Variants in LRRC4C observed in about 807,000 individuals in gnomAD.
The protein encoded by LRRC4C is leucine rich repeat containing 4C, also known as leucine-rich repeat-containing protein 4C.
A neutral mutation model predicts 33.6 loss-of-function variants in LRRC4C; 5 were observed. The observed-to-expected ratio is 0.15, with a 90% CI of 0.08 to 0.31. The LOEUF (loss-of-function observed/expected upper bound fraction) is 0.31. LRRC4C is among the 10% of genes least tolerant of loss of function. The probability of loss-of-function intolerance (pLI) is 1.00; values close to 1 mark genes in which losing one functional copy is unlikely to be tolerated. For synonymous variants in LRRC4C, 329 were observed against 302.0 expected (o/e 1.09, Z -0.93); for missense variants, 560 against 796.7 (o/e 0.70, Z 3.58).
At chr11:40,287,199 C>T (rs1318784515) in intron 4 of LRRC4C, among the ~76,000 whole-genome samples, 2 of 151,614 alleles carry the variant, frequency 1.3e-5, no homozygotes, top group Non-Finnish European at 2.9e-5. Flanking sequence ...CACACTGCAT[C>T]ACATGACTTT....
Position 40,653,384 on chromosome 11 carries a change from G to A in LRRC4C, c.-406-5106C>T, listed in dbSNP as rs369485000. Among the ~76,000 whole-genome samples, 81 of 152,286 alleles carry A rather than the reference G, an allele frequency of 5.3e-4. 1 individual carries two copies. The South Asian group carries it at 0.016, about 31-fold the overall frequency. On this transcript the variant is annotated intron_variant, in intron 2 of 6. Transcript: ENST00000528697. The stretch of plus-strand genomic sequence containing the variant: ...GGTTGAGGTGGTCTCAAATGGAGAT[G>A]AGGAACTTGTTGGGAACTGTGGTAA...
At chr11:40,553,692 T>C (rs1416102045) in intron 3 of LRRC4C, among the ~76,000 whole-genome samples, 1 of 152,224 alleles carries the variant, frequency 6.6e-6, no homozygotes, top group Admixed American at 6.5e-5. Context: ...TTGAGAATTT[T>C]GTCATGTTTC....
chr11:40,842,105 G>A (rs565858385), intron 2 of LRRC4C, among the ~76,000 whole-genome samples: 14 of 152,136 alleles, frequency 9.2e-5, no homozygotes, highest in African/African-American at 3.4e-4. Context: ...AGGTTATTAC[G>A]CAGTTGGACT....
At chr11:41,455,498 AC>A (rs1434446650) in intron 1 of LRRC4C, among the ~76,000 whole-genome samples, 1 of 152,180 alleles carries the variant, frequency 6.6e-6, no homozygotes, top group Non-Finnish European at 1.5e-5. Context: ...CTAAGAATGT[AC>A]CACAAAAATT....
At chr11:40,320,248 GTAATCCC>G (rs1945774430) in intron 3 of LRRC4C, among the ~76,000 whole-genome samples, 1 of 152,190 alleles carries the variant, frequency 6.6e-6, no homozygotes, top group Non-Finnish European at 1.5e-5. Flanking sequence ...GCTCACGCCT[GTAATCCC>G]AGCACTTTGG....
chr11:40,410,219 T>G lies in LRRC4C; in HGVS notation c.-269-90498A>C, dbSNP rs542206787. 7.2e-5 allele frequency among the ~76,000 whole-genome samples: 11 copies of G among 152,198 alleles called. No homozygotes were observed. The South Asian group carries it at 1.9e-3, about 26-fold the overall frequency. On this transcript the variant is annotated intron_variant, in intron 3 of 6. Transcript: ENST00000528697. ...AAGGTACATATGTATTTCAAAAATT[T>G]TAGTAGCTGCATTTAAATATCATAA...
intron 2 of LRRC4C, among the ~76,000 whole-genome samples, chr11:40,864,533 G>T (rs1398742263): frequency 6.6e-6 from 1 of 152,134 alleles, no homozygotes; most frequent in African/African-American, 2.4e-5. Flanking sequence ...GTATTATCTG[G>T]TCTTACAGAG....
intron 5 of LRRC4C, among the ~76,000 whole-genome samples, chr11:40,163,586 A>G (rs1859343420): frequency 1.3e-5 from 2 of 152,204 alleles, no homozygotes; most frequent in African/African-American, 4.8e-5. Flanking sequence ...TCTGAATTGC[A>G]ATATATTGTT....
intron 3 of LRRC4C, among the ~76,000 whole-genome samples, chr11:40,363,484 A>C (rs1948062083): frequency 6.6e-6 from 1 of 152,140 alleles, no homozygotes; most frequent in African/African-American, 2.4e-5. Flanking sequence ...GTGGGTGACG[A>C]AATAATCTGC....
rs147953302 is a variant in LRRC4C at position 40,181,607 on chromosome 11, A to G, written c.-95-40754T>C. 1.3e-3 allele frequency among the ~76,000 whole-genome samples: 205 copies of G among 152,318 alleles called. 1 individual carries two copies. The highest frequency in any genetic ancestry group is 4.4e-3 in the African/African-American group (181 of 41,576). ...AGAGCTATGTAAAACAGGACTTGCT[A>G]TTTTGGTACACACTGTCTGAGAACT... is the stretch of plus-strand genomic sequence containing the variant. On this transcript the variant is annotated intron_variant, in intron 5 of 6. Transcript: ENST00000528697.
At chr11:41,299,067 C>T (rs1014656478) in intron 1 of LRRC4C, among the ~76,000 whole-genome samples, 3 of 152,080 alleles carry the variant, frequency 2.0e-5, no homozygotes, top group Non-Finnish European at 4.4e-5. Flanking sequence ...TCTTTGCTAT[C>T]GTGAATAGTG....
chr11:40,252,304 TAC>T (rs150474231), intron 4 of LRRC4C, among the ~76,000 whole-genome samples: 1 of 151,296 alleles, frequency 6.6e-6, no homozygotes, highest in African/African-American at 2.4e-5. Flanking sequence ...ACCTAATATA[TAC>T]ACACACACAC....
intron 3 of LRRC4C, among the ~76,000 whole-genome samples, chr11:40,352,106 T>C (rs1292980031): frequency 9.9e-6 from 1 of 101,478 alleles, no homozygotes; most frequent in Admixed American, 1.3e-4. Flanking sequence ...TTTTTTCCTT[T>C]CTTTCTTCCT....
chr11:40,836,046 A>G (rs1952655277), intron 2 of LRRC4C, among the ~76,000 whole-genome samples: 3 of 152,192 alleles, frequency 2.0e-5, no homozygotes. Flanking sequence ...CTGTACGTTC[A>G]AAAAGAAAAA....
chr11:41,268,206 G>A (rs1226272641), intron 1 of LRRC4C, among the ~76,000 whole-genome samples: 2 of 152,014 alleles, frequency 1.3e-5, no homozygotes, highest in Non-Finnish European at 2.9e-5. Flanking sequence ...TCTGCTGGGG[G>A]CCTGCCATGC....
chr11:40,872,438 G>T (rs1954699034), intron 2 of LRRC4C, among the ~76,000 whole-genome samples: 1 of 151,968 alleles, frequency 6.6e-6, no homozygotes, highest in Non-Finnish European at 1.5e-5. Context: ...CTTATGGCAA[G>T]AATTTCCCAT....
At chr11:41,204,792 T>C (rs1946533493) in intron 1 of LRRC4C, among the ~76,000 whole-genome samples, 1 of 152,188 alleles carries the variant, frequency 6.6e-6, no homozygotes. Context: ...AATATAATGA[T>C]GTAAAATTTG....
intron 2 of LRRC4C, among the ~76,000 whole-genome samples, chr11:40,760,454 A>T (rs1239136077): frequency 6.6e-6 from 1 of 151,908 alleles, no homozygotes; most frequent in African/African-American, 2.4e-5. Context: ...AAAATCCTAA[A>T]CTACTCATTT....
At chr11:40,268,436 T>A in intron 4 of LRRC4C, among the ~76,000 whole-genome samples, 1 of 152,178 alleles carries the variant, frequency 6.6e-6, no homozygotes, top group East Asian at 1.9e-4. Context: ...TAGGAAAATA[T>A]TGCACATGGT....
Sources: gnomAD v4.1 joint callset for allele counts (sites outside exome capture counted in the v4.1 genomes callset) on GRCh38, gnomAD v4.1.1 for gene constraint, MANE v1.5 for transcripts, NCBI Gene and HGNC (gene_info 2026-07-23, HGNC 2026-07-21) for gene names.